ANAPC4: variants seen among roughly 807,000 people sequenced by gnomAD.
ANAPC4 encodes the protein anaphase-promoting complex subunit 4.
Under a neutral mutation model 119.8 loss-of-function variants are expected in ANAPC4, and 63 were observed. That is an observed-to-expected ratio of 0.53 (90% CI 0.43 to 0.65). The LOEUF (loss-of-function observed/expected upper bound fraction) is 0.65. ANAPC4 is among the 30% of genes least tolerant of loss of function. The pLI is 0.00. For synonymous variants in ANAPC4, 283 were observed against 318.6 expected, an observed-to-expected ratio of 0.89 and a Z score of 1.19; for missense variants, 716 against 945.1, an observed-to-expected ratio of 0.76 and a Z score of 3.18.
Position 25,418,484 on chromosome 4 carries a change from A to C in ANAPC4, c.*102A>C, listed in dbSNP as rs764197686. 31 of 958,820 alleles carry C rather than the reference A, an allele frequency of 3.2e-5. No individual in the cohort carries two copies. In the Middle Eastern group the frequency reaches 6.8e-4, roughly 21 times the overall value. The allele number at this position is 958,820 out of a possible 1,614,324, so 59.4% of individuals were successfully genotyped here. ...TTGTGTAACAAAGAAATAAACAGTA[A>C]ATTTTATTTTTTCATATTCTGCTTC... On this transcript the variant is annotated 3_prime_UTR_variant, in exon 29 of 29. Transcript: ENST00000315368.
intron 9 of ANAPC4, 94 bp downstream of exon 9, chr4:25,391,109 C>A: frequency 7.0e-4 from 599 of 850,692 alleles, no homozygotes; most frequent in East Asian, 7.9e-4. Flanking sequence ...TTGTAATGAT[C>A]ATTAAAATAA....
chr4:25,413,494 T>A, intron 21 of ANAPC4, 151 bp from the exon 22 acceptor site: 8 of 536,558 alleles, frequency 1.5e-5, no homozygotes, highest in Admixed American at 3.5e-5. Flanking sequence ...TCGTTTTTAA[T>A]GAGGTTGTGT....
intron 21 of ANAPC4, 146 bp from the exon 22 acceptor site, chr4:25,413,499 T>A: frequency 1.8e-6 from 1 of 546,410 alleles, no homozygotes; most frequent in South Asian, 2.7e-5. Context: ...TTTAATGAGG[T>A]TGTGTGAAAA....
chr4:25,386,981 A>G (rs989851726), intron 4 of ANAPC4, among the ~76,000 whole-genome samples: 1 of 152,202 alleles, frequency 6.6e-6, no homozygotes, highest in Non-Finnish European at 1.5e-5. Context: ...GTAATTTTAA[A>G]GTTTTATTAA....
intron 2 of ANAPC4, among the ~76,000 whole-genome samples, chr4:25,378,384 C>T (rs1293856100): frequency 6.6e-6 from 1 of 152,188 alleles, no homozygotes; most frequent in Non-Finnish European, 1.5e-5. Flanking sequence ...GTAGTCTGCA[C>T]CATGTTATCT....
chr4:25,392,455 T>G, intron 10 of ANAPC4, 34 bp downstream of exon 10: 4 of 1,544,342 alleles, frequency 2.6e-6, no homozygotes, highest in Non-Finnish European at 3.6e-6. Flanking sequence ...TGTGAATATT[T>G]ATTATCGGCT....
chr4:25,393,115 C>T (rs1722444754), intron 10 of ANAPC4, among the ~76,000 whole-genome samples: 1 of 152,138 alleles, frequency 6.6e-6, no homozygotes, highest in South Asian at 2.1e-4. Flanking sequence ...TTTCATTCTA[C>T]CACAGTCATT....
chr4:25,414,982 A>T (rs1723780036), intron 25 of ANAPC4, among the ~76,000 whole-genome samples: 2 of 152,126 alleles, frequency 1.3e-5, no homozygotes, highest in Non-Finnish European at 2.9e-5. Context: ...CATTTTTTAG[A>T]AGTTAAAAAC....
At chr4:25,406,638 T>G (rs1723265634) in intron 18 of ANAPC4, among the ~76,000 whole-genome samples, 191 bp from the exon 19 acceptor site, 1 of 152,214 alleles carries the variant, frequency 6.6e-6, no homozygotes, top group African/African-American at 2.4e-5. Context: ...ACATGTTTAA[T>G]TACATTCTCG....
At chr4:25,403,421 TC>T (rs1402818904) in intron 17 of ANAPC4, among the ~76,000 whole-genome samples, 11 of 152,220 alleles carry the variant, frequency 7.2e-5, no homozygotes, top group Non-Finnish European at 1.5e-4. Flanking sequence ...TAGTCTGTTA[TC>T]CCTGTCGCTC....
chr4:25,409,367 A>G (rs10005501), intron 20 of ANAPC4, among the ~76,000 whole-genome samples: 61,701 of 152,042 alleles, frequency 0.41, 14,546 homozygotes, highest in Non-Finnish European at 0.52. Flanking sequence ...TGGTTTGTTT[A>G]GTTGCTTGAC....
At chr4:25,409,613 C>CT in intron 20 of ANAPC4, 85 bp from the exon 21 acceptor site, 76 of 1,035,184 alleles carry the variant, frequency 7.3e-5, no homozygotes, top group Admixed American at 1.2e-4. Flanking sequence ...CTAAACTTAA[C>CT]TTTTTTTTGT....
At chr4:25,403,272 T>C (rs898624176) in intron 17 of ANAPC4, among the ~76,000 whole-genome samples, 1 of 152,024 alleles carries the variant, frequency 6.6e-6, no homozygotes, top group African/African-American at 2.4e-5. Context: ...TAAATATACA[T>C]ATTTTTGGAG....
At chr4:25,403,908 T>C (rs1431352886) in intron 17 of ANAPC4, among the ~76,000 whole-genome samples, 3 of 152,252 alleles carry the variant, frequency 2.0e-5, no homozygotes. Flanking sequence ...TGATATTAAA[T>C]GTTTTGTATT....
chr4:25,404,283 C>T (rs958985278), intron 17 of ANAPC4, among the ~76,000 whole-genome samples: 3 of 152,238 alleles, frequency 2.0e-5, no homozygotes, highest in Middle Eastern at 3.4e-3. Context: ...GAATGAGGAA[C>T]CAGAGAGCTT....
Position 25,405,576 on chromosome 4 carries a change from T to C in ANAPC4, c.1274T>C (p.Met425Thr), listed in dbSNP as rs1452542401. 6.2e-7 allele frequency: 1 copy of C among 1,613,364 alleles called. No individual in the cohort carries two copies. Among genetic ancestry groups the C allele is most frequent in the Non-Finnish European group, 8.5e-7 (1 of 1,179,478 alleles). ...TTTTTTAACTTTGTATTTCCAGCAA[T>C]GTTGAGAATGACAGAAGACCATGTG... is the stretch of plus-strand genomic sequence containing the variant. ...KAFFRWLYVA[M>T]LRMTEDHVLP... is the part of the protein sequence containing the mutation. Residue 425 changes from methionine to threonine, a missense_variant, in exon 18 of 29, where the codon ATG (methionine) becomes ACG (threonine). Transcript: ENST00000315368. The surrounding 1 kb of genome is among the most constrained non-coding windows in gnomAD (Gnocchi z 4.6).
chr4:25,414,225 T>G (rs1723735413), intron 22 of ANAPC4, 99 bp from the exon 23 acceptor site: 10 of 849,596 alleles, frequency 1.2e-5, no homozygotes, highest in Non-Finnish European at 1.7e-5. Flanking sequence ...GTAGGCGATT[T>G]TTTTACCACA....
At chr4:25,378,840 T>C (rs1162072824) in intron 2 of ANAPC4, among the ~76,000 whole-genome samples, 1 of 152,198 alleles carries the variant, frequency 6.6e-6, no homozygotes, top group East Asian at 1.9e-4. Context: ...TGTTTGGCTG[T>C]GTGGGTGCAG....
chr4:25,409,576 G>T (rs568877162), intron 20 of ANAPC4, 122 bp from the exon 21 acceptor site: 2 of 637,328 alleles, frequency 3.1e-6, no homozygotes, highest in Non-Finnish European at 5.4e-6. Flanking sequence ...AAAATAAACC[G>T]ATTTTAGGCC....
Sources: allele counts gnomAD v4.1 joint callset (sites outside exome capture counted in the v4.1 genomes callset), GRCh38; gene constraint gnomAD v4.1.1; non-coding constraint Gnocchi (gnomAD v3.1); transcripts MANE v1.5; gene names NCBI Gene and HGNC (gene_info 2026-07-23, HGNC 2026-07-21).